The following ZNF648 variants were observed in gnomAD, a reference collection of about 807,000 sequenced individuals.
The protein encoded by ZNF648 is zinc finger protein 648.
A neutral mutation model predicts 0.3 loss-of-function variants in ZNF648; 1 was observed. That is an observed-to-expected ratio of 3.90 (90% CI 1.39 to 18.51). The LOEUF (loss-of-function observed/expected upper bound fraction) is 18.51. Ranked by LOEUF, ZNF648 falls within the 30% of genes most tolerant of loss-of-function variation. ZNF648 has a pLI of 0.11. For synonymous variants in ZNF648, 376 were observed against 326.8 expected, an observed-to-expected ratio of 1.15 and a Z score of -1.62; for missense variants, 874 against 769.7, an observed-to-expected ratio of 1.14 and a Z score of -1.60.
Position 182,057,435 on chromosome 1 carries a change from G to T in ZNF648, c.576C>A (p.Phe192Leu), listed in dbSNP as rs541812637. 1.1e-5 allele frequency: 17 copies of T among 1,614,204 alleles called. No homozygotes were observed. The African/African-American group carries it at 1.9e-4, about 18-fold the overall frequency. ...GGTCCCAGTTGCTCCCCGGCCTGGG[G>T]AAACACAACAGAGAAGAGTTCCCTG... The part of the protein sequence containing the change: ...TSAGNSSLLC[F>L]PRPGSNWDLP... The change falls in exon 2 of 2, where the codon TTC (phenylalanine) becomes TTA (leucine). Residue 192 changes from phenylalanine to leucine, a missense_variant. Phe to Leu is a conservative substitution (Grantham distance 22). Coordinates refer to ENST00000339948, the MANE Select transcript of ZNF648 (RefSeq NM_001009992.1).
In ZNF648 at chr1:182,056,418, G is replaced by A; in HGVS notation, c.1593C>T (p.Pro531=). 6.2e-7 allele frequency: 1 copy of A among 1,614,098 alleles called. No homozygotes were observed. Among genetic ancestry groups the A allele is most frequent in the South Asian group, 1.1e-5 (1 of 91,068 alleles). ...QHIRMHNGER[P]YQCEDCGQAF... is the part of the protein sequence containing the mutation. The stretch of plus-strand genomic sequence containing the variant: ...CCTGGCCGCAGTCCTCACACTGGTA[G>A]GGCCTCTCTCCGTTGTGCATTCGTA... The change falls in exon 2 of 2, where the codon CCC becomes CCT. Residue 531 remains proline (P), a synonymous_variant. Coordinates refer to ENST00000339948, the MANE Select transcript of ZNF648 (RefSeq NM_001009992.1).
upstream of ZNF648, among the ~76,000 whole-genome samples, chr1:182,065,251 C>A (rs1050173993): frequency 6.6e-6 from 1 of 152,120 alleles, no homozygotes; most frequent in Non-Finnish European, 1.5e-5. Context: ...CATGCTTGGC[C>A]TTTGCTTGAC....
chr1:182,066,473 G>C (rs1366529435), upstream of ZNF648, among the ~76,000 whole-genome samples: 2 of 152,218 alleles, frequency 1.3e-5, no homozygotes, highest in Non-Finnish European at 2.9e-5. Context: ...TCATCCTTGA[G>C]GAGGAGTGAT....
At position 182,058,185 on chromosome 1, in the gene ZNF648, C is replaced by G. The variant is rs151116977; in HGVS notation, c.-63-112G>C. On this transcript the variant is annotated intron_variant, in intron 1 of 1. Transcript: ENST00000339948. ...CTCTGTTTCCAACTGGTCTCCATGT[C>G]AGGCATATTGTTGAGCCTCACTGAG... 2.7e-3 allele frequency: 1,976 copies of G among 742,206 alleles called. 9 individuals carry two copies. Among genetic ancestry groups the G allele is most frequent in the Non-Finnish European group, 3.7e-3 (1,748 of 470,130 alleles). The allele number at this position is 742,206 out of a possible 1,614,324, so 46.0% of individuals were successfully genotyped here.
Position 182,056,755 on chromosome 1 carries a change from G to T in ZNF648, c.1256C>A (p.Pro419His). Reference sequence around the variant, plus strand: ...CTTGCCGCAGGTGGGGCAGGGGAAGGGCCGCTCGCCCGAGTGCACGCGCTG... The same window carrying T: ...CTTGCCGCAGGTGGGGCAGGGGAAGTGCCGCTCGCCCGAGTGCACGCGCTG... ...EHQRVHSGER[P>H]FPCPTCGKCF... is the part of the protein sequence containing the mutation. Residue 419 changes from proline (P) to histidine (H), a missense_variant, in exon 2 of 2, where the codon CCC (proline) becomes CAC (histidine). Pro to His is a moderately conservative substitution (Grantham distance 77, BLOSUM62 -2). Transcript: ENST00000339948. 1 of 1,569,552 alleles carries T rather than the reference G, an allele frequency of 6.4e-7. No individual in the cohort carries two copies. Among genetic ancestry groups the T allele is most frequent in the Non-Finnish European group, 8.6e-7 (1 of 1,157,524 alleles).
At chr1:182,058,857 C>T (rs999638044) in intron 1 of ZNF648, among the ~76,000 whole-genome samples, 10 of 152,180 alleles carry the variant, frequency 6.6e-5, no homozygotes, top group Non-Finnish European at 1.0e-4. Context: ...CGGAGTCTCG[C>T]TCTGTCACCC....
At chr1:182,069,263 T>A in the ZNF648 span, 1 of 152,102 alleles carries the variant, frequency 6.6e-6, no homozygotes, top group Non-Finnish European at 1.5e-5. Context: ...GGCCTTTTCT[T>A]TCCAAGGCCC....
Position 182,056,951 on chromosome 1 carries a change from G to C in ZNF648, c.1060C>G (p.Gln354Glu). ...FVRSSDLRKH[Q>E]RNMHSNNKPF... ...TTATTGTTGCTGTGCATGTTGCGCT[G>C]GTGTTTGCGCAGGTCCGAAGAGCGC... The change falls in exon 2 of 2, where the codon CAG (glutamine) becomes GAG (glutamate). Residue 354 changes from glutamine (Q) to glutamate (E), a missense_variant. Physicochemically the swap from Gln to Glu is conservative, Grantham distance 29 (BLOSUM62 2). Coordinates refer to ENST00000339948, the MANE Select transcript of ZNF648 (RefSeq NM_001009992.1). The C allele has an allele frequency of 6.2e-7, 1 of 1,613,346 alleles. No individual in the cohort carries two copies. Among genetic ancestry groups the C allele is most frequent in the Non-Finnish European group, 8.5e-7 (1 of 1,179,740 alleles).
rs765975207 is a variant in ZNF648, at chr1:182,057,284, C to T, written c.727G>A (p.Gly243Arg). 9 of 1,594,312 alleles carry T rather than the reference C, an allele frequency of 5.6e-6. No individual in the cohort carries two copies. Among genetic ancestry groups the T allele is most frequent in the East Asian group, 2.3e-5 (1 of 44,366 alleles). ...CTGTAGGGACGCGCCTCAGCCTCTC[C>T]GCCCTCGCGCCGGCCCGCCTGGTTC... is the stretch of plus-strand genomic sequence containing the variant. Reference protein sequence around the residue: ...VQNQAGRREGGEAEARPYRCL... With the variant: ...VQNQAGRREGREAEARPYRCL... Residue 243 changes from glycine to arginine, a missense_variant, in exon 2 of 2, where the codon GGA becomes AGA. Coordinates refer to ENST00000339948, the MANE Select transcript of ZNF648 (RefSeq NM_001009992.1).
At position 182,056,243 on chromosome 1, in the gene ZNF648, A is replaced by AC; in HGVS notation, c.*60_*61insG. On this transcript the variant is annotated 3_prime_UTR_variant, in exon 2 of 2. Transcript: ENST00000339948. ...GGCGAGGCTGACCAGTGAGGCTGGC[A>AC]ATACCATGTGAGTGGGCCCACCTGG... is the stretch of plus-strand genomic sequence containing the variant. The AC allele has an allele frequency of 6.5e-7, 1 of 1,540,228 alleles. No individual in the cohort carries two copies. The highest frequency in any genetic ancestry group is 8.7e-7 in the Non-Finnish European group (1 of 1,143,512).
chr1:182,059,228 T>C (rs1665991376), intron 1 of ZNF648, among the ~76,000 whole-genome samples: 1 of 152,202 alleles, frequency 6.6e-6, no homozygotes, highest in South Asian at 2.1e-4. Flanking sequence ...AGATGTCCAC[T>C]GGGGTACACA....
Position 182,056,145 on chromosome 1 carries a change from C to A in ZNF648, c.*159G>T. 9.9e-7 allele frequency: 1 copy of A among 1,014,566 alleles called. No individual in the cohort carries two copies. The highest frequency in any genetic ancestry group is 1.4e-6 in the Non-Finnish European group (1 of 715,770). The allele number at this position is 1,014,566 out of a possible 1,614,324, so 62.8% of individuals were successfully genotyped here. A position where few individuals can be genotyped will look rare whatever the true frequency, so the allele number is the denominator to read the frequency against. On this transcript the variant is annotated 3_prime_UTR_variant, in exon 2 of 2. Coordinates refer to ENST00000339948, the MANE Select transcript of ZNF648 (RefSeq NM_001009992.1). ...GAAACCACCCACCTGGGTGCTCTCT[C>A]GGTGGTGACTTTCTGTTCAAGGGAT...
At chr1:182,059,954 C>T (rs980372668) in intron 1 of ZNF648, among the ~76,000 whole-genome samples, 4 of 152,216 alleles carry the variant, frequency 2.6e-5, no homozygotes, top group East Asian at 3.8e-4. Flanking sequence ...ATTTTAAGGC[C>T]ATTAAGCCCC....
chr1:182,056,792 T>C lies in ZNF648; in HGVS notation c.1219A>G (p.Met407Val), dbSNP rs759257473. ...CDREFAVASR[M>V]VEHQRVHSGE... ...GAGTGCACGCGCTGGTGCTCCACCA[T>C]GCGGCTGGCCACAGCGAACTCCCGG... The change falls in exon 2 of 2, where the codon ATG becomes GTG. Residue 407 changes from methionine (M) to valine (V), a missense_variant. Physicochemically the swap from Met to Val is conservative, Grantham distance 21 (BLOSUM62 1). Coordinates refer to ENST00000339948, the MANE Select transcript of ZNF648 (RefSeq NM_001009992.1). The C allele has an allele frequency of 2.9e-5, 44 of 1,523,830 alleles. No individual in the cohort carries two copies. The highest frequency in any genetic ancestry group is 1.1e-4 in the South Asian group (9 of 81,374). 94.4% of individuals were successfully genotyped at this position (1,523,830 alleles called of 1,614,324 possible). A position where few individuals can be genotyped will look rare whatever the true frequency, so the allele number is the denominator to read the frequency against.
chr1:182,063,563 G>C (rs1280218786), upstream of ZNF648: 2 of 152,126 alleles, frequency 1.3e-5, no homozygotes, highest in African/African-American at 4.8e-5. Context: ...TTTGTGGGGG[G>C]TTTCGTAAAT....
chr1:182,064,310 A>G (rs1222885421), upstream of ZNF648: 7 of 152,198 alleles, frequency 4.6e-5, no homozygotes, highest in African/African-American at 1.7e-4. Context: ...CATTTTCACA[A>G]TATTGGTTCT....
Position 182,056,383 on chromosome 1 carries a change from C to T in ZNF648, c.1628G>A (p.Arg543Lys). The T allele has an allele frequency of 6.2e-7, 1 of 1,614,168 alleles. No individual in the cohort carries two copies. The highest frequency in any genetic ancestry group is 1.3e-5 in the African/African-American group (1 of 75,056). ...TCGGTGTCGTTGGAGGTGATTGGAC[C>T]TGGTGAAGGCCTGGCCGCAGTCCTC... ...QCEDCGQAFTRSNHLQRHRAK... is the reference protein window; with the variant it reads ...QCEDCGQAFTKSNHLQRHRAK... The change falls in exon 2 of 2, where the codon AGG becomes AAG. Residue 543 changes from arginine (R) to lysine (K), a missense_variant. By Grantham distance (26) the Arg-to-Lys change is conservative. Transcript: ENST00000339948.
chr1:182,060,919 ACAAATACCC>A (rs1285054244), intron 1 of ZNF648, among the ~76,000 whole-genome samples: 1 of 152,126 alleles, frequency 6.6e-6, no homozygotes, highest in East Asian at 1.9e-4. Context: ...CACCTCCAGC[ACAAATACCC>A]CATTTTCCAC....
At chr1:182,066,443 C>T (rs1057261682), upstream of ZNF648, among the ~76,000 whole-genome samples, 9 of 152,244 alleles carry the variant, frequency 5.9e-5, no homozygotes, top group African/African-American at 2.2e-4. Flanking sequence ...ATCTAATCTT[C>T]TTCTTGCCCC....
Sources: allele counts gnomAD v4.1 joint callset (sites outside exome capture counted in the v4.1 genomes callset), GRCh38; gene constraint gnomAD v4.1.1; transcripts MANE v1.5; gene names NCBI Gene and HGNC (gene_info 2026-07-23, HGNC 2026-07-21).